DIP2C: variants seen among roughly 807,000 people sequenced by gnomAD.
The protein encoded by DIP2C is disco-interacting protein 2 homolog C.
A neutral mutation model predicts 192.4 loss-of-function variants in DIP2C; 33 were observed. That is an observed-to-expected ratio of 0.17 (90% CI 0.13 to 0.23). The LOEUF is 0.23. DIP2C is among the 10% of genes least tolerant of loss of function. DIP2C has a pLI of 1.00. For missense variants in DIP2C, 1,537 were observed against 2,110.1 expected, an observed-to-expected ratio of 0.73 and a Z score of 5.32; for synonymous variants, 979 against 864.1, an observed-to-expected ratio of 1.13 and a Z score of -2.33.
chr10:401,320 A>C (rs1019832016), intron 9 of DIP2C, among the ~76,000 whole-genome samples: 137 of 151,786 alleles, frequency 9.0e-4, no homozygotes, highest in African/African-American at 3.1e-3. Flanking sequence ...GTATGTGTTC[A>C]TCAGCACATG....
chr10:476,937 G>A lies in DIP2C; in HGVS notation c.158-4388C>T, dbSNP rs1043880851. On this transcript the variant is annotated intron_variant, in intron 2 of 36. Coordinates refer to ENST00000280886, the MANE Select transcript of DIP2C (RefSeq NM_014974.3). ...GCAGGCAGGAGGTGACCTTGCTCTCGGTGGAGCTGGCCACAGGATGGGCTC... is the reference window on the plus strand; with the variant it reads ...GCAGGCAGGAGGTGACCTTGCTCTCAGTGGAGCTGGCCACAGGATGGGCTC... 5.3e-5 allele frequency among the ~76,000 whole-genome samples: 8 copies of A among 151,940 alleles called. 1 individual carries two copies. In the East Asian group the frequency reaches 7.8e-4, roughly 15 times the overall value.
intron 4 of DIP2C, among the ~76,000 whole-genome samples, chr10:435,073 C>T (rs1360110181): frequency 6.6e-6 from 1 of 151,758 alleles, no homozygotes; most frequent in Non-Finnish European, 1.5e-5. Flanking sequence ...GTTAAAAATA[C>T]TTCTTCTGTT....
chr10:614,221 T>G (rs1221371953), intron 1 of DIP2C, among the ~76,000 whole-genome samples: 6 of 152,218 alleles, frequency 3.9e-5, no homozygotes. Context: ...TCACACTTGG[T>G]GATCTCAATT....
chr10:440,216 T>C lies in DIP2C; in HGVS notation c.394+655A>G, dbSNP rs180819553. Among the ~76,000 whole-genome samples the C allele has an allele frequency of 2.0e-3, 311 of 152,364 alleles. 1 individual carries two copies. Among genetic ancestry groups the C allele is most frequent in the Middle Eastern group, 0.014 (4 of 294 alleles). On this transcript the variant is annotated intron_variant, in intron 4 of 36. Transcript: ENST00000280886. Reference sequence around the variant, plus strand: ...TTACATAACACAAATATAAATGGGCTATTACCTTCAGTAATTCAGATCGGG... The same window carrying C: ...TTACATAACACAAATATAAATGGGCCATTACCTTCAGTAATTCAGATCGGG...
At chr10:304,588 C>T (rs968067662) in intron 32 of DIP2C, among the ~76,000 whole-genome samples, 2 of 151,976 alleles carry the variant, frequency 1.3e-5, no homozygotes, top group Non-Finnish European at 2.9e-5. Flanking sequence ...CACATATATG[C>T]ATGTGTGTAT....
At chr10:408,064 G>A (rs1964932821) in intron 9 of DIP2C, among the ~76,000 whole-genome samples, 1 of 151,592 alleles carries the variant, frequency 6.6e-6, no homozygotes, top group Admixed American at 6.6e-5. Flanking sequence ...TTTCTTCTAG[G>A]TTTTGGCTTT....
chr10:667,837 ATAC>A (rs1357539090), intron 1 of DIP2C: 8 of 152,378 alleles, frequency 5.3e-5, no homozygotes, highest in Non-Finnish European at 7.3e-5. Flanking sequence ...CAATGCACTC[ATAC>A]AACACAACAC....
intron 1 of DIP2C, among the ~76,000 whole-genome samples, chr10:538,291 G>A (rs1336938359): frequency 1.3e-5 from 2 of 152,030 alleles, no homozygotes; most frequent in Admixed American, 1.3e-4. Context: ...CAAGTAGCTA[G>A]GACTACAGGT....
At chr10:423,111 GATTT>G in intron 4 of DIP2C, 78 bp from the exon 5 acceptor site, 1 of 1,355,274 alleles carries the variant, frequency 7.4e-7, no homozygotes, top group South Asian at 1.4e-5. Context: ...GCCAAACACA[GATTT>G]ACTTCACGTA....
chr10:487,955 C>T (rs1017103009), intron 1 of DIP2C, among the ~76,000 whole-genome samples: 3 of 152,174 alleles, frequency 2.0e-5, no homozygotes, highest in Non-Finnish European at 1.5e-5. Flanking sequence ...CACTCCACAC[C>T]GGCAGCCATC....
chr10:687,510 T>C (rs1831379006), intron 1 of DIP2C, among the ~76,000 whole-genome samples: 1 of 152,162 alleles, frequency 6.6e-6, no homozygotes, highest in Non-Finnish European at 1.5e-5. Context: ...GCAAGATTCA[T>C]GTGGAAGGAA....
At chr10:377,748 T>G (rs1394854379) in intron 17 of DIP2C, among the ~76,000 whole-genome samples, 4 of 152,190 alleles carry the variant, frequency 2.6e-5, no homozygotes, top group Non-Finnish European at 4.4e-5. Context: ...CGGACACGTC[T>G]TCTTTGATTT....
chr10:303,911 C>A (rs966123025), intron 32 of DIP2C, among the ~76,000 whole-genome samples: 5 of 152,132 alleles, frequency 3.3e-5, no homozygotes, highest in African/African-American at 1.2e-4. Flanking sequence ...GTCAGGATCA[C>A]TGAAATCACT....
chr10:404,045 A>C (rs1323106619), intron 9 of DIP2C, among the ~76,000 whole-genome samples: 1 of 147,858 alleles, frequency 6.8e-6, no homozygotes, highest in Non-Finnish European at 1.5e-5. Flanking sequence ...ACTCTTCCTT[A>C]TGGACAAGTT....
At chr10:570,260 A>G (rs1298169871) in intron 1 of DIP2C, among the ~76,000 whole-genome samples, 1 of 152,094 alleles carries the variant, frequency 6.6e-6, no homozygotes, top group Non-Finnish European at 1.5e-5. Flanking sequence ...TTTAAACTTC[A>G]CAGTGTCACA....
At chr10:493,158 C>T (rs542949533) in intron 1 of DIP2C, among the ~76,000 whole-genome samples, 2 of 152,320 alleles carry the variant, frequency 1.3e-5, no homozygotes, top group East Asian at 3.9e-4. Flanking sequence ...AGCAGTCATC[C>T]TGGCCAGTGG....
intron 31 of DIP2C, among the ~76,000 whole-genome samples, chr10:310,348 A>G (rs1472832979): frequency 6.6e-6 from 1 of 152,258 alleles, no homozygotes; most frequent in Non-Finnish European, 1.5e-5. Flanking sequence ...GAAAGAAAGG[A>G]GACAAAGCCA....
intron 1 of DIP2C, among the ~76,000 whole-genome samples, chr10:579,413 A>G (rs942322709): frequency 9.9e-5 from 15 of 152,052 alleles, no homozygotes; most frequent in African/African-American, 3.4e-4. Context: ...AGATCCATAT[A>G]GCGTATGTAC....
At chr10:523,593 C>A (rs1379747726) in intron 1 of DIP2C, among the ~76,000 whole-genome samples, 1 of 150,028 alleles carries the variant, frequency 6.7e-6, no homozygotes, top group Non-Finnish European at 1.5e-5. Flanking sequence ...CCACATGACA[C>A]AAAGGACCCT....
Sources: allele counts gnomAD v4.1 joint callset (sites outside exome capture counted in the v4.1 genomes callset), GRCh38; gene constraint gnomAD v4.1.1; transcripts MANE v1.5; gene names NCBI Gene and HGNC (gene_info 2026-07-23, HGNC 2026-07-21).